Variants in PTK2 observed in about 807,000 individuals in gnomAD.
PTK2 encodes the protein protein tyrosine kinase 2.
A neutral mutation model predicts 150.1 loss-of-function variants in PTK2; 45 were observed. The observed-to-expected ratio is 0.30, with a 90% CI of 0.24 to 0.38. The LOEUF is 0.38. Ranked by LOEUF, PTK2 falls within the 10% of genes least tolerant of loss-of-function variation. The pLI, the probability that PTK2 is intolerant of heterozygous loss-of-function variation, is 1.00. For missense variants in PTK2, 919 were observed against 1,307.3 expected (o/e 0.70, Z 4.58); for synonymous variants, 432 against 449.2 (o/e 0.96, Z 0.48).
chr8:140,750,707 G>C (rs2100062154), intron 17 of PTK2, among the ~76,000 whole-genome samples: 1 of 152,194 alleles, frequency 6.6e-6, no homozygotes, highest in African/African-American at 2.4e-5. Flanking sequence ...ATTTGGGAAA[G>C]AAGACCTATT....
At chr8:140,747,453 AGAGGAGGAGGAG>A (rs1183125553) in intron 17 of PTK2, among the ~76,000 whole-genome samples, 1 of 33,870 alleles carries the variant, frequency 3.0e-5, no homozygotes, top group South Asian at 1.9e-3. Context: ...GGGGGGGGGA[AGAGGAGGAGGAG>A]GAGGAAGAGG....
At chr8:140,928,957 ATTTTTTT>A (rs34658967) in intron 1 of PTK2, among the ~76,000 whole-genome samples, 3 of 92,232 alleles carry the variant, frequency 3.3e-5, no homozygotes, top group African/African-American at 1.3e-4. Flanking sequence ...TTTTATCACA[ATTTTTTT>A]TTTTTTTTTT....
intron 2 of PTK2, among the ~76,000 whole-genome samples, chr8:140,891,253 G>A (rs188028825): frequency 9.9e-5 from 15 of 152,024 alleles, no homozygotes; most frequent in Admixed American, 2.6e-4. Flanking sequence ...TTAAAATAAG[G>A]TCCCTGGCTT....
intron 5 of PTK2, among the ~76,000 whole-genome samples, chr8:140,848,470 C>T (rs376159754): frequency 2.1e-5 from 3 of 139,666 alleles, no homozygotes; most frequent in African/African-American, 7.9e-5. Flanking sequence ...AACGAATGAA[C>T]AAACAGTCAT....
chr8:140,816,781 A>G (rs1047423031), intron 10 of PTK2, among the ~76,000 whole-genome samples: 1 of 152,236 alleles, frequency 6.6e-6, no homozygotes, highest in Non-Finnish European at 1.5e-5. Context: ...TAAAATGGAA[A>G]AATTAAAAGA....
At chr8:140,818,744 TA>T in intron 9 of PTK2, 135 bp downstream of exon 9, 1 of 1,042,128 alleles carries the variant, frequency 9.6e-7, no homozygotes, top group Non-Finnish European at 1.4e-6. Flanking sequence ...TTTCACATGG[TA>T]AAATGAAAAA....
intron 15 of PTK2, among the ~76,000 whole-genome samples, chr8:140,763,093 G>A (rs1344763394): frequency 6.6e-6 from 1 of 152,128 alleles, no homozygotes; most frequent in African/African-American, 2.4e-5. Flanking sequence ...TTAAACCTAA[G>A]TTTAAACATT....
At chr8:140,960,038 A>G (rs1161556374) in intron 1 of PTK2, among the ~76,000 whole-genome samples, 1 of 151,746 alleles carries the variant, frequency 6.6e-6, no homozygotes, top group African/African-American at 2.4e-5. Context: ...AAAAAATCCA[A>G]CAACAACAAA....
chr8:140,927,975 A>AAAAAAAAAAAATATATATATAT, intron 1 of PTK2, among the ~76,000 whole-genome samples: 1 of 48,196 alleles, frequency 2.1e-5, no homozygotes, highest in Non-Finnish European at 3.4e-5. Context: ...AAAAAAAAAA[A>AAAAAAAAAAAATATATATATAT]ATATATATAT....
intron 7 of PTK2, among the ~76,000 whole-genome samples, chr8:140,833,636 C>A (rs1567215197): frequency 6.6e-6 from 1 of 152,170 alleles, no homozygotes; most frequent in African/African-American, 2.4e-5. Flanking sequence ...TAAAAACCTT[C>A]TTTGAGCCCA....
chr8:140,912,046 A>G (rs546147706), intron 2 of PTK2, among the ~76,000 whole-genome samples: 1 of 152,226 alleles, frequency 6.6e-6, no homozygotes, highest in South Asian at 2.1e-4. Context: ...CAGCCTAGGC[A>G]ACAAAACGAG....
At chr8:140,969,578 T>C (rs2100186520) in intron 1 of PTK2, among the ~76,000 whole-genome samples, 1 of 151,318 alleles carries the variant, frequency 6.6e-6, no homozygotes, top group African/African-American at 2.5e-5. Context: ...CAGGACACCA[T>C]CTTCTCCTGG....
intron 4 of PTK2, among the ~76,000 whole-genome samples, chr8:140,865,688 T>G (rs2100138884): frequency 6.6e-6 from 1 of 152,272 alleles, no homozygotes; most frequent in Non-Finnish European, 1.5e-5. Flanking sequence ...AATAACTTAC[T>G]GTAGATATTC....
intron 1 of PTK2, among the ~76,000 whole-genome samples, chr8:140,932,277 C>A (rs980015076): frequency 6.6e-6 from 1 of 152,014 alleles, no homozygotes; most frequent in Non-Finnish European, 1.5e-5. Context: ...TGCAGTAGTG[C>A]AATCTTGGCT....
chr8:140,799,504 C>T (rs1474536504), intron 12 of PTK2, among the ~76,000 whole-genome samples: 1 of 152,192 alleles, frequency 6.6e-6, no homozygotes, highest in Non-Finnish European at 1.5e-5. Context: ...AGCTGCTTTA[C>T]AGTTACTCCT....
intron 11 of PTK2, among the ~76,000 whole-genome samples, chr8:140,802,226 T>A (rs369179138): frequency 1.3e-5 from 2 of 152,028 alleles, no homozygotes; most frequent in East Asian, 3.9e-4. Context: ...GATGTGGAGG[T>A]AGAAGATGGT....
At chr8:140,907,563 AAAAC>A (rs2100161465) in intron 2 of PTK2, among the ~76,000 whole-genome samples, 1 of 152,090 alleles carries the variant, frequency 6.6e-6, no homozygotes, top group East Asian at 1.9e-4. Flanking sequence ...TTTTAAAACA[AAAAC>A]AACAACAACA....
intron 1 of PTK2, among the ~76,000 whole-genome samples, chr8:140,962,106 A>G (rs1201103811): frequency 1.3e-5 from 2 of 151,824 alleles, no homozygotes; most frequent in Admixed American, 1.3e-4. Flanking sequence ...ATTAGCCAGG[A>G]GCTACTCAGG....
At chr8:140,735,291 T>G (rs1278214915) in exon 22 of PTK2, 1 of 1,614,116 alleles carries the variant, frequency 6.2e-7, no homozygotes, top group Non-Finnish European at 8.5e-7. Context: ...GGCCGCCTGC[T>G]GGGGTCATAG....
Sources: allele counts gnomAD v4.1 joint callset (sites outside exome capture counted in the v4.1 genomes callset), GRCh38; gene constraint gnomAD v4.1.1; transcripts MANE v1.5; gene names NCBI Gene and HGNC (gene_info 2026-07-23, HGNC 2026-07-21).